The following KIAA1217 variants were observed in gnomAD, a reference collection of about 807,000 sequenced individuals.
KIAA1217 encodes sickle tail protein homolog.
KIAA1217 carries 88 observed loss-of-function variants against 163.9 expected under a neutral mutation model. That is an observed-to-expected ratio of 0.54 (90% CI 0.45 to 0.64). KIAA1217 has a LOEUF of 0.64. Ranked by LOEUF, KIAA1217 falls within the 30% of genes least tolerant of loss-of-function variation. The probability of loss-of-function intolerance (pLI) is 0.00; values close to 1 mark genes in which losing one functional copy is unlikely to be tolerated. For synonymous variants in KIAA1217, 903 were observed against 923.1 expected (o/e 0.98, Z 0.39); for missense variants, 2,372 against 2,475.0 (o/e 0.96, Z 0.88).
At chr10:24,269,639 A>T in intron 2 of KIAA1217, among the ~76,000 whole-genome samples, 1 of 152,162 alleles carries the variant, frequency 6.6e-6, no homozygotes, top group East Asian at 1.9e-4. Context: ...GGCTTACCAC[A>T]CTGAAGGCAA....
At chr10:24,202,860 C>A (rs1488040502) in intron 2 of KIAA1217, among the ~76,000 whole-genome samples, 1 of 152,112 alleles carries the variant, frequency 6.6e-6, no homozygotes. Flanking sequence ...AATACCAGAC[C>A]CAATTCTATA....
chr10:24,061,394 A>C (rs772269803), intron 2 of KIAA1217, among the ~76,000 whole-genome samples: 7 of 152,136 alleles, frequency 4.6e-5, no homozygotes, highest in Non-Finnish European at 1.0e-4. Context: ...TTGTATTTTA[A>C]CTTTTATGCT....
intron 12 of KIAA1217, among the ~76,000 whole-genome samples, chr10:24,522,748 G>A (rs963501819): frequency 3.3e-5 from 5 of 152,204 alleles, no homozygotes; most frequent in African/African-American, 4.8e-5. Context: ...TGTCATCCCC[G>A]CACTTTGGGA....
At chr10:24,378,192 C>T (rs1168005658) in intron 2 of KIAA1217, among the ~76,000 whole-genome samples, 1 of 152,248 alleles carries the variant, frequency 6.6e-6, no homozygotes, top group Non-Finnish European at 1.5e-5. Flanking sequence ...TCCTCTGTCC[C>T]AGATCTAAAT....
chr10:24,275,332 G>A (rs921213321), intron 2 of KIAA1217, among the ~76,000 whole-genome samples: 2 of 152,100 alleles, frequency 1.3e-5, no homozygotes, highest in African/African-American at 4.8e-5. Flanking sequence ...ACGCATGCAG[G>A]TGCACACACA....
chr10:23,845,646 C>T (rs146932720), intron 1 of KIAA1217, among the ~76,000 whole-genome samples: 45,438 of 151,862 alleles, frequency 0.3, 9,078 homozygotes, highest in African/African-American at 0.57. Flanking sequence ...CTTTGTCAGA[C>T]GGATAGATTG....
intron 2 of KIAA1217, among the ~76,000 whole-genome samples, chr10:24,181,201 A>T (rs2066154805): frequency 2.0e-5 from 3 of 152,232 alleles, no homozygotes; most frequent in Admixed American, 2.0e-4. Flanking sequence ...TCGGTTACAA[A>T]GGTGAGATGT....
intron 10 of KIAA1217, among the ~76,000 whole-genome samples, chr10:24,515,973 A>T (rs967497169): frequency 2.6e-5 from 4 of 152,236 alleles, no homozygotes; most frequent in Non-Finnish European, 5.9e-5. Flanking sequence ...CAGGAGGCTG[A>T]AGCAGGAGGA....
intron 2 of KIAA1217, among the ~76,000 whole-genome samples, chr10:24,013,440 A>G (rs1358620698): frequency 6.6e-6 from 1 of 152,146 alleles, no homozygotes; most frequent in African/African-American, 2.4e-5. Context: ...TAATCAGTGG[A>G]CAAAAGCCAA....
chr10:23,899,520 T>A (rs1005862065), intron 1 of KIAA1217, among the ~76,000 whole-genome samples: 1 of 152,022 alleles, frequency 6.6e-6, no homozygotes, highest in African/African-American at 2.4e-5. Context: ...GAGAAAGTAT[T>A]CTATATCCAG....
intron 1 of KIAA1217, among the ~76,000 whole-genome samples, chr10:23,871,087 G>A (rs978341061): frequency 1.5e-4 from 22 of 151,526 alleles, no homozygotes; most frequent in Non-Finnish European, 2.9e-5. Flanking sequence ...TATCTTAGAG[G>A]AAACTCATAG....
At chr10:24,309,412 A>C (rs1319638024) in intron 2 of KIAA1217, among the ~76,000 whole-genome samples, 2 of 151,924 alleles carry the variant, frequency 1.3e-5, no homozygotes, top group Admixed American at 6.6e-5. Flanking sequence ...GTTGCACACT[A>C]TATCTGACTG....
intron 10 of KIAA1217, among the ~76,000 whole-genome samples, chr10:24,515,972 G>A (rs1011604182): frequency 2.6e-5 from 4 of 152,254 alleles, no homozygotes; most frequent in Non-Finnish European, 5.9e-5. Context: ...TCAGGAGGCT[G>A]AAGCAGGAGG....
intron 1 of KIAA1217, among the ~76,000 whole-genome samples, chr10:23,867,508 A>G (rs1335876927): frequency 2.0e-5 from 3 of 152,152 alleles, no homozygotes; most frequent in Non-Finnish European, 4.4e-5. Context: ...CCTCTCCAGC[A>G]CCTGTTGTTT....
chr10:23,762,596 TAGG>T (rs1834315858), intron 1 of KIAA1217, among the ~76,000 whole-genome samples: 1 of 152,102 alleles, frequency 6.6e-6, no homozygotes, highest in African/African-American at 2.4e-5. Context: ...CTCAACAAAA[TAGG>T]TATAGATGGA....
intron 3 of KIAA1217, among the ~76,000 whole-genome samples, chr10:24,390,048 C>T (rs927015363): frequency 6.6e-6 from 1 of 152,220 alleles, no homozygotes; most frequent in African/African-American, 2.4e-5. Flanking sequence ...GGTCTATAGT[C>T]ACCCAGTTTT....
chr10:24,067,408 C>T (rs1258993607), intron 2 of KIAA1217, among the ~76,000 whole-genome samples: 1 of 152,234 alleles, frequency 6.6e-6, no homozygotes, highest in African/African-American at 2.4e-5. Context: ...TGGAGGTCCA[C>T]TCCAGACCCT....
At chr10:23,925,016 T>C (rs138310318) in intron 1 of KIAA1217, among the ~76,000 whole-genome samples, 143 of 152,274 alleles carry the variant, frequency 9.4e-4, no homozygotes, top group African/African-American at 3.3e-3. Flanking sequence ...TTGGCCTGTT[T>C]TTCCCATTGT....
chr10:24,202,397 G>A (rs553028321), intron 2 of KIAA1217, among the ~76,000 whole-genome samples: 1 of 152,216 alleles, frequency 6.6e-6, no homozygotes, highest in Admixed American at 6.5e-5. Context: ...GGAGAGAGCG[G>A]TCAGGAAACT....
Sources: allele counts gnomAD v4.1 joint callset (sites outside exome capture counted in the v4.1 genomes callset), GRCh38; gene constraint gnomAD v4.1.1; transcripts MANE v1.5; gene names NCBI Gene and HGNC (gene_info 2026-07-23, HGNC 2026-07-21).